Variants in RBFOX1 observed in about 807,000 individuals in gnomAD.
RBFOX1 encodes RNA binding protein fox-1 homolog 1.
A neutral mutation model predicts 57.7 loss-of-function variants in RBFOX1; 8 were observed. That is an observed-to-expected ratio of 0.14 (90% CI 0.08 to 0.25). The LOEUF (loss-of-function observed/expected upper bound fraction) is 0.25, where lower values mean the gene tolerates loss of function less well. Ranked by LOEUF, RBFOX1 falls within the 10% of genes least tolerant of loss-of-function variation. RBFOX1 has a pLI of 1.00. For missense variants in RBFOX1, 611 were observed against 548.5 expected, an observed-to-expected ratio of 1.11 and a Z score of -1.14; for synonymous variants, 326 against 222.4, an observed-to-expected ratio of 1.47 and a Z score of -4.15.
At chr16:6,226,203 C>A (rs149845019) in intron 1 of RBFOX1, among the ~76,000 whole-genome samples, 1,482 of 99,156 alleles carry the variant, frequency 0.015, no homozygotes, top group African/African-American at 0.026. Context: ...ACTAAAAATA[C>A]AAAAAAAAAA....
chr16:6,087,704 G>T (rs2880645), intron 1 of RBFOX1, among the ~76,000 whole-genome samples: 64,245 of 150,906 alleles, frequency 0.43, 14,965 homozygotes, highest in Non-Finnish European at 0.55. Flanking sequence ...ACCAGGCTGG[G>T]TGCCGTGGCG....
At chr16:7,131,303 A>G (rs2070301683) in intron 4 of RBFOX1, among the ~76,000 whole-genome samples, 1 of 133,978 alleles carries the variant, frequency 7.5e-6, no homozygotes, top group Admixed American at 8.0e-5. Context: ...CCAAGACCAC[A>G]CCATTGCACT....
At chr16:6,893,311 C>A (rs1457305904) in intron 3 of RBFOX1, among the ~76,000 whole-genome samples, 1 of 152,166 alleles carries the variant, frequency 6.6e-6, no homozygotes, top group Non-Finnish European at 1.5e-5. Context: ...GGAAAGAAAG[C>A]CCCTAGAGAT....
At chr16:7,182,379 T>C (rs888024104) in intron 4 of RBFOX1, among the ~76,000 whole-genome samples, 4 of 152,192 alleles carry the variant, frequency 2.6e-5, no homozygotes, top group African/African-American at 9.6e-5. Context: ...CCTCTCTTCA[T>C]GAAATGTCCT....
intron 2 of RBFOX1, among the ~76,000 whole-genome samples, chr16:5,562,324 A>G (rs1441268882): frequency 6.6e-6 from 1 of 152,158 alleles, no homozygotes; most frequent in Non-Finnish European, 1.5e-5. Context: ...CTGCCCGAGA[A>G]AGCTGCCTGT....
chr16:7,354,417 A>C (rs997817422), intron 4 of RBFOX1, among the ~76,000 whole-genome samples: 4 of 152,202 alleles, frequency 2.6e-5, no homozygotes, highest in African/African-American at 9.7e-5. Context: ...GTTTTCCCTC[A>C]GGAAATAAAA....
chr16:6,848,986 C>A (rs2093918370), intron 3 of RBFOX1, among the ~76,000 whole-genome samples: 1 of 152,186 alleles, frequency 6.6e-6, no homozygotes, highest in Non-Finnish European at 1.5e-5. Flanking sequence ...ACTTGCCTGT[C>A]CTGATTCCAA....
At chr16:6,569,125 C>A (rs193232184) in intron 2 of RBFOX1, among the ~76,000 whole-genome samples, 2 of 152,284 alleles carry the variant, frequency 1.3e-5, no homozygotes, top group African/African-American at 4.8e-5. Context: ...ACTCTCTCTG[C>A]CTCTTGATAT....
At chr16:6,970,173 G>T (rs990316317) in intron 3 of RBFOX1, among the ~76,000 whole-genome samples, 2 of 151,460 alleles carry the variant, frequency 1.3e-5, no homozygotes, top group African/African-American at 2.4e-5. Context: ...ACAAGACTCT[G>T]GGGGGAAAAA....
At chr16:5,580,774 G>T (rs1215760493) in intron 2 of RBFOX1, among the ~76,000 whole-genome samples, 1 of 152,196 alleles carries the variant, frequency 6.6e-6, no homozygotes, top group Non-Finnish European at 1.5e-5. Flanking sequence ...AAACTGGTGG[G>T]ATTCCAGCGA....
chr16:5,453,648 C>G (rs1317865100), intron 1 of RBFOX1, among the ~76,000 whole-genome samples: 1 of 152,076 alleles, frequency 6.6e-6, no homozygotes, highest in East Asian at 1.9e-4. Flanking sequence ...AAGTAGCATC[C>G]CATTATGAGT....
At chr16:7,118,896 G>A (rs2066499410) in intron 4 of RBFOX1, among the ~76,000 whole-genome samples, 1 of 152,132 alleles carries the variant, frequency 6.6e-6, no homozygotes. Context: ...TCTCTTAACT[G>A]TTGTTGTTCT....
chr16:5,741,207 G>T (rs999279995), intron 3 of RBFOX1, among the ~76,000 whole-genome samples: 2 of 152,080 alleles, frequency 1.3e-5, no homozygotes, highest in Non-Finnish European at 2.9e-5. Context: ...TCCTGCATCT[G>T]TCCTTGGGGC....
intron 4 of RBFOX1, among the ~76,000 whole-genome samples, chr16:7,201,565 C>T (rs76746157): frequency 0.18 from 26,733 of 151,604 alleles, 2,520 homozygotes; most frequent in East Asian, 0.37. Context: ...TGGGTTCAAA[C>T]GATTTTCCTG....
intron 5 of RBFOX1, among the ~76,000 whole-genome samples, chr16:7,523,498 A>G (rs931728322): frequency 2.6e-5 from 4 of 152,126 alleles, no homozygotes; most frequent in Non-Finnish European, 4.4e-5. Flanking sequence ...TAATTCCTAG[A>G]GTATTTGAAT....
At chr16:6,585,897 T>G (rs550775668) in intron 2 of RBFOX1, among the ~76,000 whole-genome samples, 1 of 152,328 alleles carries the variant, frequency 6.6e-6, no homozygotes, top group East Asian at 1.9e-4. Context: ...AGAAGTATCA[T>G]GTAGTAGAGA....
At chr16:7,484,690 C>T (rs1234165214) in intron 4 of RBFOX1, among the ~76,000 whole-genome samples, 3 of 152,200 alleles carry the variant, frequency 2.0e-5, no homozygotes, top group Non-Finnish European at 4.4e-5. Context: ...TCTTGAACTC[C>T]TGGCCTCAGG....
At chr16:7,567,278 T>TCCCTATATATAC (rs1567865045) in intron 5 of RBFOX1, among the ~76,000 whole-genome samples, 1 of 136,238 alleles carries the variant, frequency 7.3e-6, no homozygotes, top group Non-Finnish European at 1.6e-5. Flanking sequence ...TATATATATA[T>TCCCTATATATAC]CCCTATATAT....
At chr16:6,082,347 A>ATTTTTTTTTTTTTTTTTTTTTTTTTT (rs71142677) in intron 1 of RBFOX1, among the ~76,000 whole-genome samples, 2 of 41,024 alleles carry the variant, frequency 4.9e-5, no homozygotes, top group Non-Finnish European at 9.0e-5. Context: ...CACCTGGCTA[A>ATTTTTTTTTTTTTTTTTTTTTTTTTT]TTTTTTTTTT....
Sources: allele counts gnomAD v4.1 joint callset (sites outside exome capture counted in the v4.1 genomes callset), GRCh38; gene constraint gnomAD v4.1.1; transcripts MANE v1.5; gene names NCBI Gene and HGNC (gene_info 2026-07-23, HGNC 2026-07-21).